Variants in BCHE observed in about 807,000 individuals in gnomAD.
BCHE encodes the protein butyrylcholinesterase.
Under a neutral mutation model 51.3 loss-of-function variants are expected in BCHE, and 48 were observed. The ratio of observed to expected loss-of-function variants is 0.94; its 90% CI spans 0.74 to 1.19. The LOEUF (loss-of-function observed/expected upper bound fraction) is 1.19. BCHE is among the 50% of genes most tolerant of loss of function. The pLI is 0.00. For missense variants in BCHE, 847 were observed against 708.2 expected, an observed-to-expected ratio of 1.20 and a Z score of -2.23; for synonymous variants, 251 against 238.0, an observed-to-expected ratio of 1.05 and a Z score of -0.50.
At chr3:165,811,436 G>GTA (rs1024056144) in intron 2 of BCHE, among the ~76,000 whole-genome samples, 82 of 151,104 alleles carry the variant, frequency 5.4e-4, no homozygotes, top group Middle Eastern at 3.4e-3. Flanking sequence ...CAGTGTAAGT[G>GTA]TGTGTGTGGA....
chr3:165,820,178 G>T (rs1420301976), intron 2 of BCHE, among the ~76,000 whole-genome samples: 1 of 134,848 alleles, frequency 7.4e-6, no homozygotes, highest in African/African-American at 2.5e-5. Context: ...CAGTTTTATA[G>T]CTCTCTTTGT....
At chr3:165,831,573 C>T (rs915278777) in intron 1 of BCHE, among the ~76,000 whole-genome samples, 1 of 152,070 alleles carries the variant, frequency 6.6e-6, no homozygotes, top group Non-Finnish European at 1.5e-5. Flanking sequence ...TTTCTGTGGT[C>T]CCTTTTGCCA....
At chr3:165,792,568 A>G (rs1713211299) in intron 2 of BCHE, among the ~76,000 whole-genome samples, 1 of 152,188 alleles carries the variant, frequency 6.6e-6, no homozygotes, top group African/African-American at 2.4e-5. Flanking sequence ...AGATGCCATT[A>G]TAAGTGGAAG....
chr3:165,802,684 G>A (rs1236093675), intron 2 of BCHE, among the ~76,000 whole-genome samples: 1 of 151,608 alleles, frequency 6.6e-6, no homozygotes, highest in African/African-American at 2.4e-5. Flanking sequence ...ACATTCATGA[G>A]CATTTACATG....
intron 2 of BCHE, among the ~76,000 whole-genome samples, chr3:165,800,700 A>AT (rs1713603475): frequency 6.6e-6 from 1 of 152,034 alleles, no homozygotes; most frequent in Non-Finnish European, 1.5e-5. Context: ...TTTTCTGTTG[A>AT]TTTTTTAAAA....
chr3:165,773,580 C>G, intron 3 of BCHE, 74 bp from the exon 4 acceptor site: 1 of 1,372,218 alleles, frequency 7.3e-7, no homozygotes, highest in Non-Finnish European at 1.0e-6. Flanking sequence ...ATTTCGAATA[C>G]AAAAGCCATT....
At chr3:165,834,072 A>G (rs1715098765) in intron 1 of BCHE, among the ~76,000 whole-genome samples, 1 of 152,120 alleles carries the variant, frequency 6.6e-6, no homozygotes, top group African/African-American at 2.4e-5. Context: ...TGTTCTACAA[A>G]CAGTTTATAT....
intron 3 of BCHE, among the ~76,000 whole-genome samples, chr3:165,781,680 C>G (rs1214488608): frequency 1.3e-5 from 2 of 152,062 alleles, no homozygotes; most frequent in Non-Finnish European, 2.9e-5. Flanking sequence ...ATAGGCTCAA[C>G]AAGCCGCCAT....
intron 2 of BCHE, among the ~76,000 whole-genome samples, chr3:165,788,633 A>G (rs1713052292): frequency 6.6e-6 from 1 of 152,104 alleles, no homozygotes; most frequent in Admixed American, 6.6e-5. Context: ...TAAATTGTCC[A>G]GTTTTCTTCT....
chr3:165,811,492 A>G (rs1714092413), intron 2 of BCHE, among the ~76,000 whole-genome samples: 1 of 152,050 alleles, frequency 6.6e-6, no homozygotes, highest in Admixed American at 6.6e-5. Context: ...ATTATTTTAA[A>G]CATAAGGGAG....
At chr3:165,801,688 T>C (rs922240981) in intron 2 of BCHE, among the ~76,000 whole-genome samples, 1 of 152,234 alleles carries the variant, frequency 6.6e-6, no homozygotes, top group African/African-American at 2.4e-5. Flanking sequence ...ATCTTGTTTA[T>C]GTTGACCTGG....
At chr3:165,774,786 A>G (rs531972168) in intron 3 of BCHE, among the ~76,000 whole-genome samples, 48 of 152,318 alleles carry the variant, frequency 3.2e-4, no homozygotes, top group African/African-American at 1.1e-3. Context: ...GTTAGGAGAA[A>G]GGGGTGTGTA....
chr3:165,778,460 A>G (rs1397751158), intron 3 of BCHE: 1 of 218,230 alleles, frequency 4.6e-6, no homozygotes, highest in Non-Finnish European at 1.0e-5. Context: ...AGAACATATC[A>G]GTTTCTCATT....
chr3:165,808,708 T>G (rs1445843069), intron 2 of BCHE, among the ~76,000 whole-genome samples: 1 of 152,030 alleles, frequency 6.6e-6, no homozygotes, highest in Non-Finnish European at 1.5e-5. Context: ...GAGGCTGAAG[T>G]GAGAGCCATG....
At chr3:165,823,218 A>G (rs1714594674) in intron 2 of BCHE, among the ~76,000 whole-genome samples, 1 of 152,158 alleles carries the variant, frequency 6.6e-6, no homozygotes, top group Non-Finnish European at 1.5e-5. Context: ...AGCTCAAAAT[A>G]ACCTTTAATT....
At chr3:165,787,173 C>T (rs571373855) in intron 2 of BCHE, among the ~76,000 whole-genome samples, 3 of 151,726 alleles carry the variant, frequency 2.0e-5, no homozygotes, top group African/African-American at 4.8e-5. Context: ...GAATAACTGT[C>T]GACTCTATCT....
intron 1 of BCHE, among the ~76,000 whole-genome samples, chr3:165,835,349 A>C (rs1303643227): frequency 6.6e-6 from 1 of 151,856 alleles, no homozygotes; most frequent in Non-Finnish European, 1.5e-5. Flanking sequence ...TATCAACCAG[A>C]TTTTCAAAAT....
intron 2 of BCHE, among the ~76,000 whole-genome samples, chr3:165,810,629 G>A (rs1714055877): frequency 6.6e-6 from 1 of 152,128 alleles, no homozygotes; most frequent in African/African-American, 2.4e-5. Context: ...ACTAGTCGAC[G>A]TGCTGCTGGG....
chr3:165,828,168 G>A (rs2108233346), intron 2 of BCHE: 4 of 431,020 alleles, frequency 9.3e-6, no homozygotes, highest in Admixed American at 7.9e-5. Flanking sequence ...AAGAAATGTT[G>A]CATGAGATGT....
Sources: gnomAD v4.1 joint callset for allele counts (sites outside exome capture counted in the v4.1 genomes callset) on GRCh38, gnomAD v4.1.1 for gene constraint, MANE v1.5 for transcripts, NCBI Gene and HGNC (gene_info 2026-07-23, HGNC 2026-07-21) for gene names.